VAPB: variants seen among roughly 807,000 people sequenced by gnomAD.
VAPB encodes the protein vesicle-associated membrane protein-associated protein B/C.
In VAPB, 7 loss-of-function variants were observed where a neutral mutation model predicts 25.6. The ratio of observed to expected loss-of-function variants is 0.27; its 90% CI spans 0.16 to 0.51. The LOEUF is 0.51. VAPB is among the 20% of genes least tolerant of loss of function. The pLI is 0.97. For synonymous variants in VAPB, 112 were observed against 109.2 expected (o/e 1.03, Z -0.16); for missense variants, 266 against 301.3 (o/e 0.88, Z 0.87).
At chr20:58,398,285 T>C (rs566994686) in intron 1 of VAPB, among the ~76,000 whole-genome samples, 2 of 152,360 alleles carry the variant, frequency 1.3e-5, no homozygotes, top group South Asian at 4.1e-4. Context: ...ATTGTAAAAT[T>C]GAAAAATCGC....
chr20:58,422,617 T>TA (rs1048483839), intron 2 of VAPB, among the ~76,000 whole-genome samples: 6 of 152,102 alleles, frequency 3.9e-5, no homozygotes, highest in Admixed American at 3.9e-4. Flanking sequence ...TTTTTTTTTT[T>TA]TTTAGTGCTT....
chr20:58,404,802 C>T (rs6026239), intron 1 of VAPB, among the ~76,000 whole-genome samples: 1,834 of 152,042 alleles, frequency 0.012, 47 homozygotes, highest in African/African-American at 0.042. Flanking sequence ...TCTGGATGGG[C>T]CCCAAGATTG....
intron 1 of VAPB, among the ~76,000 whole-genome samples, chr20:58,407,274 G>T (rs1988254530): frequency 2.0e-5 from 3 of 152,122 alleles, no homozygotes; most frequent in Admixed American, 2.0e-4. Context: ...GTACACATGG[G>T]TCTTTGTCTT....
rs551417683 is a variant in VAPB at position 58,420,327 on chromosome 20, A to G, written c.211+1964A>G. On this transcript the variant is annotated intron_variant, in intron 2 of 5. Transcript: ENST00000475243. ...GGAAGATCCATTGTTTCCCCATCAT[A>G]GGAATTTTTAAAAAGTAAAAGCGAA... Among the ~76,000 whole-genome samples the G allele has an allele frequency of 2.0e-5, 3 of 152,356 alleles. No homozygotes were observed. The East Asian group carries it at 5.8e-4, about 29-fold the overall frequency.
In VAPB at chr20:58,451,001, C is replaced by T. The variant is rs941583211; in HGVS notation, c.*6766C>T. 1 of 452,914 alleles carries T rather than the reference C, an allele frequency of 2.2e-6. No homozygotes were observed. The highest frequency in any genetic ancestry group is 2.0e-5 in the African/African-American group (1 of 49,980). The allele number at this position is 452,914 out of a possible 1,614,324, so 28.1% of individuals were successfully genotyped here. A position where few individuals can be genotyped will look rare whatever the true frequency, so the allele number is the denominator to read the frequency against. On this transcript the variant is annotated 3_prime_UTR_variant, in exon 6 of 6. Transcript: ENST00000475243. ...ATTTACAGCATGTTCTCCCATGTTCCATTATCAGCCTGATGAAACCTGCCC... is the reference window on the plus strand; with the variant it reads ...ATTTACAGCATGTTCTCCCATGTTCTATTATCAGCCTGATGAAACCTGCCC...
intron 1 of VAPB, among the ~76,000 whole-genome samples, chr20:58,397,794 CAAAT>C (rs1027871247): frequency 6.6e-6 from 1 of 152,140 alleles, no homozygotes; most frequent in African/African-American, 2.4e-5. Flanking sequence ...GACAGAGAAA[CAAAT>C]AAGGGTGAGT....
intron 2 of VAPB, among the ~76,000 whole-genome samples, chr20:58,421,663 A>G (rs749869541): frequency 4.0e-4 from 61 of 152,224 alleles, no homozygotes; most frequent in Non-Finnish European, 7.4e-4. Context: ...GGAAGGCTGT[A>G]AATCATTATT....
At chr20:58,429,762 A>G (rs1206011475) in intron 2 of VAPB, among the ~76,000 whole-genome samples, 1 of 152,172 alleles carries the variant, frequency 6.6e-6, no homozygotes, top group African/African-American at 2.4e-5. Flanking sequence ...GATTCTCCCA[A>G]GAGGGGTACT....
chr20:58,421,388 C>T (rs748321833), intron 2 of VAPB, among the ~76,000 whole-genome samples: 34 of 152,108 alleles, frequency 2.2e-4, no homozygotes, highest in Non-Finnish European at 3.4e-4. Flanking sequence ...TAAATTACCC[C>T]TATATTTTAT....
Position 58,450,113 on chromosome 20 carries a change from C to G in VAPB, c.*5878C>G, listed in dbSNP as rs1168738594. ...GTTTTTCCATGTCATACAAAAAAGT[C>G]CTGGCTGTTTCTCCGAACTGGCTGC... On this transcript the variant is annotated 3_prime_UTR_variant, in exon 6 of 6. Coordinates refer to ENST00000475243, the MANE Select transcript of VAPB (RefSeq NM_004738.5). The G allele has an allele frequency of 2.2e-6, 1 of 453,948 alleles. No individual in the cohort carries two copies. Among genetic ancestry groups the G allele is most frequent in the Non-Finnish European group, 4.4e-6 (1 of 226,796 alleles). 28.1% of individuals were successfully genotyped at this position (453,948 alleles called of 1,614,324 possible).
intron 5 of VAPB, among the ~76,000 whole-genome samples, chr20:58,442,244 C>T (rs1211888137): frequency 6.6e-6 from 1 of 152,186 alleles, no homozygotes; most frequent in East Asian, 1.9e-4. Flanking sequence ...CATCTTCTTC[C>T]TTTGCAGTGA....
At position 58,420,355 on chromosome 20, in the gene VAPB, C is replaced by G. The variant is rs1988644497; in HGVS notation, c.211+1992C>G. On this transcript the variant is annotated intron_variant, in intron 2 of 5. Transcript: ENST00000475243. The stretch of plus-strand genomic sequence containing the variant: ...AATTTTTAAAAAGTAAAAGCGAACT[C>G]TGCCTTTGTTCTGATTTATGATTGC... 3.3e-5 allele frequency among the ~76,000 whole-genome samples: 5 copies of G among 152,220 alleles called. No individual in the cohort carries two copies. The South Asian group carries it at 1.0e-3, about 32-fold the overall frequency.
rs1989397959 is a variant in VAPB, at chr20:58,449,931, T to A, written c.*5696T>A. The A allele has an allele frequency of 4.4e-6, 2 of 453,958 alleles. No homozygotes were observed. Among genetic ancestry groups the A allele is most frequent in the South Asian group, 1.6e-5 (1 of 64,476 alleles). The allele number at this position is 453,958 out of a possible 1,614,324, so 28.1% of individuals were successfully genotyped here. A position where few individuals can be genotyped will look rare whatever the true frequency, so the allele number is the denominator to read the frequency against. The stretch of plus-strand genomic sequence containing the variant: ...CATGTCTGACTGAAATAAAACAGGT[T>A]CCCTTTTTTTTTCCCTTTGGAAAAT... On this transcript the variant is annotated 3_prime_UTR_variant, in exon 6 of 6. Transcript: ENST00000475243.
In VAPB at chr20:58,446,470, A is replaced by G. The variant is rs1160964675; in HGVS notation, c.*2235A>G. 2.2e-6 allele frequency: 1 copy of G among 454,104 alleles called. No homozygotes were observed. Among genetic ancestry groups the G allele is most frequent in the Middle Eastern group, 6.9e-4 (1 of 1,444 alleles). The allele number at this position is 454,104 out of a possible 1,614,324, so 28.1% of individuals were successfully genotyped here. On this transcript the variant is annotated 3_prime_UTR_variant, in exon 6 of 6. Transcript: ENST00000475243. ...TTAAAGGATATGGCCGTGTGTTTTG[A>G]TAAAACTTTATTCACAAAAACAGCC...
intron 2 of VAPB, chr20:58,432,361 G>A (rs1030542835): frequency 1.3e-5 from 2 of 152,190 alleles, no homozygotes; most frequent in Admixed American, 6.5e-5. Context: ...CTCCAGAGTG[G>A]TAGACTTGGG....
At chr20:58,442,284 T>C (rs1191215396) in intron 5 of VAPB, among the ~76,000 whole-genome samples, 1 of 152,222 alleles carries the variant, frequency 6.6e-6, no homozygotes, top group African/African-American at 2.4e-5. Flanking sequence ...GTAATTTCTT[T>C]AGTGTGTAGT....
intron 5 of VAPB, 116 bp downstream of exon 5, chr20:58,441,199 G>A (rs1451634668): frequency 1.5e-5 from 18 of 1,216,428 alleles, no homozygotes; most frequent in Non-Finnish European, 2.1e-5. Context: ...TTGGTATTTG[G>A]CTATTTTTTT....
chr20:58,445,789 G>T lies in VAPB; in HGVS notation c.*1554G>T, dbSNP rs1989276763. The T allele has an allele frequency of 2.2e-6, 1 of 453,484 alleles. No individual in the cohort carries two copies. Among genetic ancestry groups the T allele is most frequent in the Non-Finnish European group, 4.4e-6 (1 of 226,708 alleles). The allele number at this position is 453,484 out of a possible 1,614,324, so 28.1% of individuals were successfully genotyped here. ...AACTGCTGAAAAAGCTGAGCACCTG[G>T]TCACCCTTGGCCTTCCATTGCTTTG... On this transcript the variant is annotated 3_prime_UTR_variant, in exon 6 of 6. Coordinates refer to ENST00000475243, the MANE Select transcript of VAPB (RefSeq NM_004738.5).
chr20:58,419,721 T>C (rs970405325), intron 2 of VAPB, among the ~76,000 whole-genome samples: 154 of 152,292 alleles, frequency 1.0e-3, no homozygotes, highest in African/African-American at 2.6e-3. Context: ...TCTGGATATG[T>C]ATGGTTTAAA....
Sources: gnomAD v4.1 joint callset for allele counts (sites outside exome capture counted in the v4.1 genomes callset) on GRCh38, gnomAD v4.1.1 for gene constraint, MANE v1.5 for transcripts, NCBI Gene and HGNC (gene_info 2026-07-23, HGNC 2026-07-21) for gene names.